CCPG1: variants seen among roughly 807,000 people sequenced by gnomAD.
CCPG1 encodes cell cycle progression 1.
A neutral mutation model predicts 81.3 loss-of-function variants in CCPG1; 46 were observed. The observed-to-expected ratio is 0.57, with a 90% CI of 0.45 to 0.72. The LOEUF (loss-of-function observed/expected upper bound fraction) is 0.72, where lower values mean the gene tolerates loss of function less well. CCPG1 is among the 30% of genes least tolerant of loss of function. The pLI is 0.00. For missense variants in CCPG1, 902 were observed against 937.6 expected (o/e 0.96, Z 0.50); for synonymous variants, 330 against 305.2 (o/e 1.08, Z -0.85).
chr15:55,374,780 G>A (rs1045426564), intron 5 of CCPG1, among the ~76,000 whole-genome samples: 8 of 152,070 alleles, frequency 5.3e-5, no homozygotes, highest in African/African-American at 1.4e-4. Context: ...ACAGGCCTGC[G>A]CTACCACAGG....
chr15:55,395,089 T>A (rs2056990667), intron 1 of CCPG1, among the ~76,000 whole-genome samples: 1 of 152,162 alleles, frequency 6.6e-6, no homozygotes, highest in Admixed American at 6.5e-5. Flanking sequence ...TACCCGTCTC[T>A]GTGATTGGCT....
intron 1 of CCPG1, 117 bp from the exon 2 acceptor site, chr15:55,389,550 C>G (rs1039653547): frequency 2.8e-6 from 2 of 706,394 alleles, no homozygotes; most frequent in South Asian, 1.6e-5. Flanking sequence ...GAAACAGAGA[C>G]AAGCCACCCA....
At chr15:55,392,358 C>T (rs1020525349) in intron 1 of CCPG1, among the ~76,000 whole-genome samples, 6 of 151,308 alleles carry the variant, frequency 4.0e-5, no homozygotes, top group African/African-American at 9.7e-5. Flanking sequence ...ATTACAGGCA[C>T]GCGCCACCAT....
intron 8 of CCPG1, 105 bp downstream of exon 8, chr15:55,359,434 T>C (rs1029910060): frequency 1.4e-6 from 2 of 1,474,990 alleles, no homozygotes; most frequent in South Asian, 3.1e-5. Context: ...AAAGCACAAC[T>C]CTTAGAAACG....
intron 6 of CCPG1, among the ~76,000 whole-genome samples, chr15:55,368,040 C>T (rs1193151184): frequency 6.6e-6 from 1 of 152,164 alleles, no homozygotes; most frequent in Non-Finnish European, 1.5e-5. Context: ...TTTTACAATA[C>T]ACAGTTGACC....
chr15:55,368,909 C>T (rs1235559819), intron 6 of CCPG1, among the ~76,000 whole-genome samples: 2 of 151,770 alleles, frequency 1.3e-5, no homozygotes, highest in Admixed American at 6.6e-5. Context: ...GTCAGGAGTT[C>T]GAGACCAACC....
intron 1 of CCPG1, among the ~76,000 whole-genome samples, chr15:55,405,080 G>C (rs1184792991): frequency 6.6e-6 from 1 of 152,048 alleles, no homozygotes; most frequent in Non-Finnish European, 1.5e-5. Flanking sequence ...CAAAAATTAG[G>C]TCAGGGGCAG....
chr15:55,360,986 C>G (rs768869345), intron 7 of CCPG1, 42 bp from the exon 8 acceptor site: 2 of 1,454,184 alleles, frequency 1.4e-6, no homozygotes, highest in Non-Finnish European at 1.8e-6. Context: ...ATGTCAAATG[C>G]TTTAAAAGCT....
intron 1 of CCPG1, among the ~76,000 whole-genome samples, chr15:55,393,605 G>C (rs187571022): frequency 6.6e-6 from 1 of 152,240 alleles, no homozygotes; most frequent in Admixed American, 6.5e-5. Flanking sequence ...GAAGAGATCT[G>C]AGAAGACATG....
Position 55,392,955 on chromosome 15 carries a change from T to C in CCPG1, c.-9-3522A>G, listed in dbSNP as rs113906458. Among the ~76,000 whole-genome samples, 1,223 of 152,110 alleles carry C rather than the reference T, an allele frequency of 8.0e-3. 18 individuals carry two copies. Among genetic ancestry groups the C allele is most frequent in the African/African-American group, 0.028 (1,177 of 41,490 alleles). ...CTGTCTCTACTAAAAATACAAAAAA[T>C]TAGCCGGGCATGGTGGCAAGCACCT... On this transcript the variant is annotated intron_variant, in intron 1 of 8. Coordinates refer to ENST00000442196, the MANE Select transcript of CCPG1 (RefSeq NM_001204450.2).
Position 55,359,340 on chromosome 15 carries a change from G to A in CCPG1, c.2234+199C>T, listed in dbSNP as rs539576858. The A allele has an allele frequency of 2.8e-5, 37 of 1,313,618 alleles. No homozygotes were observed. The African/African-American group carries it at 2.9e-4, about 10-fold the overall frequency. 81.4% of individuals were successfully genotyped at this position (1,313,618 alleles called of 1,614,324 possible). Reference sequence around the variant, plus strand: ...CATTTGCTCAAGTCAAAGTGATCACGTTATAATGAAATGTTCCATTTGTAA... The same window carrying A: ...CATTTGCTCAAGTCAAAGTGATCACATTATAATGAAATGTTCCATTTGTAA... On this transcript the variant is annotated intron_variant, in intron 8 of 8. Coordinates refer to ENST00000442196, the MANE Select transcript of CCPG1 (RefSeq NM_001204450.2).
At chr15:55,403,750 T>C (rs1055974292) in intron 1 of CCPG1, among the ~76,000 whole-genome samples, 2 of 152,196 alleles carry the variant, frequency 1.3e-5, no homozygotes, top group Admixed American at 1.3e-4. Context: ...CTTTATCACT[T>C]ACAATACTGC....
chr15:55,359,550 T>G lies in CCPG1; in HGVS notation c.2223A>C (p.Pro741=). 1 of 1,607,034 alleles carries G rather than the reference T, an allele frequency of 6.2e-7. No homozygotes were observed. Among genetic ancestry groups the G allele is most frequent in the East Asian group, 2.2e-5 (1 of 44,782 alleles). ...RHFFGHTFSP[P]YGPSRPDKKQ... ...TTATGTAAACCGACCTGGGTCCATA[T>G]GGAGGGGAAAAAGTGTGACCAAAGA... Residue 741 remains proline (P), a synonymous_variant, in exon 8 of 9, where the codon CCA becomes CCC. Coordinates refer to ENST00000442196, the MANE Select transcript of CCPG1 (RefSeq NM_001204450.2).
rs770838717 is a variant in CCPG1, at chr15:55,359,542, G to C, written c.2231C>G (p.Pro744Arg). 6.2e-7 allele frequency: 1 copy of C among 1,600,938 alleles called. No individual in the cohort carries two copies. Among genetic ancestry groups the C allele is most frequent in the South Asian group, 1.1e-5 (1 of 88,590 alleles). The part of the protein sequence containing the change: ...FGHTFSPPYG[P>R]SRPDKKQRMV... ...ACACGGTTTTATGTAAACCGACCTG[G>C]GTCCATATGGAGGGGAAAAAGTGTG... Residue 744 changes from proline to arginine, a missense_variant, in exon 8 of 9, where the codon CCC (proline) becomes CGC (arginine). Pro to Arg is a moderately radical substitution (Grantham distance 103). Coordinates refer to ENST00000442196, the MANE Select transcript of CCPG1 (RefSeq NM_001204450.2).
chr15:55,385,596 T>G lies in CCPG1; in HGVS notation c.175+4A>C. 1 of 1,499,230 alleles carries G rather than the reference T, an allele frequency of 6.7e-7. No individual in the cohort carries two copies. The highest frequency in any genetic ancestry group is 1.2e-5 in the South Asian group (1 of 83,810). The allele number at this position is 1,499,230 out of a possible 1,614,324, so 92.9% of individuals were successfully genotyped here. A position where few individuals can be genotyped will look rare whatever the true frequency, so the allele number is the denominator to read the frequency against. On this transcript the variant is annotated splice_donor_region_variant and intron_variant, in intron 3 of 8. Transcript: ENST00000442196. ...AAAAAAATTAGAATTTGTGAACAAC[T>G]TACCTCCTTGCTCTATCTGCAATGC...
chr15:55,389,499 T>C lies in CCPG1; in HGVS notation c.-9-66A>G, dbSNP rs144075052. ...TTTTAATTCTATAGGAAGCACTATA[T>C]GTGACACTAAGTTTGAAAAGTGGTT... On this transcript the variant is annotated intron_variant, in intron 1 of 8. Coordinates refer to ENST00000442196, the MANE Select transcript of CCPG1 (RefSeq NM_001204450.2). 3.4e-4 allele frequency: 374 copies of C among 1,099,524 alleles called. 4 individuals carry two copies. The African/African-American group carries it at 4.8e-3, about 14-fold the overall frequency. 68.1% of individuals were successfully genotyped at this position (1,099,524 alleles called of 1,614,324 possible).
chr15:55,367,345 A>G (rs898498589), intron 6 of CCPG1, among the ~76,000 whole-genome samples: 2 of 152,228 alleles, frequency 1.3e-5, no homozygotes, highest in Non-Finnish European at 2.9e-5. Context: ...ATAATATAGC[A>G]TATGCTTGAT....
At chr15:55,402,752 G>T (rs776264880) in intron 1 of CCPG1, among the ~76,000 whole-genome samples, 1 of 152,230 alleles carries the variant, frequency 6.6e-6, no homozygotes, top group East Asian at 1.9e-4. Context: ...TAGTCTCATT[G>T]TTCATGAAAT....
intron 6 of CCPG1, 124 bp from the exon 7 acceptor site, chr15:55,365,433 T>A (rs1216124779): frequency 3.6e-6 from 2 of 548,018 alleles, no homozygotes; most frequent in Non-Finnish European, 6.1e-6. Context: ...TTTTTTTTTG[T>A]TTTTTTTTTG....
Sources: allele counts gnomAD v4.1 joint callset (sites outside exome capture counted in the v4.1 genomes callset), GRCh38; gene constraint gnomAD v4.1.1; transcripts MANE v1.5; gene names NCBI Gene and HGNC (gene_info 2026-07-23, HGNC 2026-07-21).